The following LRPPRC variants were observed in gnomAD, a reference collection of about 807,000 sequenced individuals.
LRPPRC encodes leucine rich pentatricopeptide repeat containing.
In LRPPRC, 120 loss-of-function variants were observed where a neutral mutation model predicts 180.3. That is an observed-to-expected ratio of 0.67 (90% confidence interval 0.57 to 0.77). The LOEUF is 0.77. Ranked by LOEUF, LRPPRC falls within the 30% of genes least tolerant of loss-of-function variation. The pLI, the probability that LRPPRC is intolerant of heterozygous loss-of-function variation, is 0.00. For synonymous variants in LRPPRC, 723 were observed against 600.0 expected (o/e 1.21, Z -3.00); for missense variants, 2,012 against 1,657.2 (o/e 1.21, Z -3.72).
intron 32 of LRPPRC, among the ~76,000 whole-genome samples, chr2:43,900,651 C>T (rs1670849705): frequency 6.6e-6 from 1 of 151,990 alleles, no homozygotes; most frequent in Non-Finnish European, 1.5e-5. Context: ...AAAAAAACCC[C>T]TACAAAAACA....
intron 30 of LRPPRC, among the ~76,000 whole-genome samples, chr2:43,911,604 G>A (rs1379221626): frequency 7.5e-6 from 1 of 132,954 alleles, no homozygotes; most frequent in Non-Finnish European, 1.5e-5. Context: ...TCAGCTCAAC[G>A]CAACCTCCAC....
chr2:43,975,874 C>A (rs957147323), intron 6 of LRPPRC, among the ~76,000 whole-genome samples: 1 of 152,098 alleles, frequency 6.6e-6, no homozygotes, highest in Non-Finnish European at 1.5e-5. Context: ...TGAGCCACCA[C>A]GCCCGGCTTC....
At chr2:43,975,561 G>A (rs1006034124) in intron 6 of LRPPRC, among the ~76,000 whole-genome samples, 1 of 151,580 alleles carries the variant, frequency 6.6e-6, no homozygotes, top group East Asian at 1.9e-4. Context: ...AGTTACTTCA[G>A]ATCAGATCAA....
chr2:43,888,709 T>C (rs368933777), intron 37 of LRPPRC, 53 bp from the exon 38 acceptor site: 85 of 963,172 alleles, frequency 8.8e-5, no homozygotes, highest in Non-Finnish European at 1.3e-4. Flanking sequence ...GAGGTGATGG[T>C]ACATAACTTA....
At chr2:43,904,684 C>A (rs1370393767) in intron 31 of LRPPRC, 2 of 146,258 alleles carry the variant, frequency 1.4e-5, no homozygotes, top group African/African-American at 2.6e-5. Flanking sequence ...CAGAATGAGA[C>A]CCTATCTCAA....
At chr2:43,896,153 GT>G (rs1670672209) in intron 35 of LRPPRC, 1 of 149,882 alleles carries the variant, frequency 6.7e-6, no homozygotes, top group South Asian at 2.0e-4. Context: ...CTTCTGCATT[GT>G]TAAATGTCCC....
At chr2:43,992,095 T>C (rs1198718216) in intron 1 of LRPPRC, among the ~76,000 whole-genome samples, 1 of 152,060 alleles carries the variant, frequency 6.6e-6, no homozygotes, top group East Asian at 1.9e-4. Flanking sequence ...GTCATAGTGT[T>C]AATGGGTGCT....
intron 23 of LRPPRC, among the ~76,000 whole-genome samples, chr2:43,943,335 A>AC (rs1672553749): frequency 6.6e-6 from 1 of 152,036 alleles, no homozygotes; most frequent in African/African-American, 2.4e-5. Context: ...AACACTTATT[A>AC]CCTGAATAAC....
chr2:43,911,520 C>CTT lies in LRPPRC; in HGVS notation c.3275+910_3275+911dup, dbSNP rs755010502. Among the ~76,000 whole-genome samples the CTT allele has an allele frequency of 9.4e-3, 1,064 of 113,208 alleles. 49 individuals are homozygous for CTT. The highest frequency in any genetic ancestry group is 0.026 in the African/African-American group (714 of 27,844). 74.3% of individuals were successfully genotyped at this position (113,208 alleles called of 152,430 possible). A position where few individuals can be genotyped will look rare whatever the true frequency, so the allele number is the denominator to read the frequency against. On this transcript the variant is annotated intron_variant, in intron 30 of 37. Coordinates refer to ENST00000260665, the MANE Select transcript of LRPPRC (RefSeq NM_133259.4). The stretch of plus-strand genomic sequence containing the variant: ...TTCCTTTTCTTTTCTTCTTCTTCTT[C>CTT]TTCTTTTTTTTTTTTTTTTTTTTTG...
At chr2:43,983,489 G>A (rs1475399558) in intron 1 of LRPPRC, among the ~76,000 whole-genome samples, 1 of 152,114 alleles carries the variant, frequency 6.6e-6, no homozygotes, top group Non-Finnish European at 1.5e-5. Flanking sequence ...ATTCTTATGT[G>A]TGAAGGAAAC....
intron 11 of LRPPRC, among the ~76,000 whole-genome samples, chr2:43,969,292 G>C (rs1242944008): frequency 6.6e-6 from 1 of 151,836 alleles, no homozygotes; most frequent in African/African-American, 2.4e-5. Context: ...GGCGCCTGTA[G>C]TCCCAGCTAC....
Position 43,947,272 on chromosome 2 carries a change from C to A in LRPPRC, c.2064G>T (p.Val688=). Residue 688 remains valine, a synonymous_variant, in exon 20 of 38, where the codon GTG becomes GTT. Transcript: ENST00000260665. ...IRDVLKQLIL[V]LCSEENMQKA... ...CAAATGTTACCTCTTCTGAACAAAG[C>A]ACTAATATGAGTTGCTTTAGGACAT... 6.4e-7 allele frequency: 1 copy of A among 1,568,050 alleles called. No homozygotes were observed. Among genetic ancestry groups the A allele is most frequent in the Non-Finnish European group, 8.8e-7 (1 of 1,142,112 alleles).
At chr2:43,969,355 T>G (rs1338606501) in intron 11 of LRPPRC, among the ~76,000 whole-genome samples, 1 of 148,710 alleles carries the variant, frequency 6.7e-6, no homozygotes, top group Non-Finnish European at 1.5e-5. Flanking sequence ...GAGCTTGCAG[T>G]GAGCCGACAT....
intron 5 of LRPPRC, 33 bp downstream of exon 5, chr2:43,976,961 T>A (rs758233528): frequency 6.4e-7 from 1 of 1,565,496 alleles, no homozygotes; most frequent in Non-Finnish European, 8.8e-7. Context: ...TGTACAAATT[T>A]GTTCGCTTAA....
rs997022257 is a variant in LRPPRC at position 43,934,353 on chromosome 2, G to C, written c.2630-57C>G. On this transcript the variant is annotated intron_variant, in intron 24 of 37. Transcript: ENST00000260665. ...GGAGAAAAAAAAACCCAGAAAAACA[G>C]TATCATATGAAGTTCCAGACAAATA... 41 of 802,434 alleles carry C rather than the reference G, an allele frequency of 5.1e-5. 1 individual carries two copies. The highest frequency in any genetic ancestry group is 3.5e-4 in the Middle Eastern group (1 of 2,878). 49.7% of individuals were successfully genotyped at this position (802,434 alleles called of 1,614,324 possible). A position where few individuals can be genotyped will look rare whatever the true frequency, so the allele number is the denominator to read the frequency against.
chr2:43,965,599 G>T (rs1673520350), intron 11 of LRPPRC, among the ~76,000 whole-genome samples: 2 of 152,222 alleles, frequency 1.3e-5, no homozygotes, highest in South Asian at 4.1e-4. Flanking sequence ...GAAAATATTT[G>T]CAAACCACGT....
intron 2 of LRPPRC, among the ~76,000 whole-genome samples, chr2:43,980,571 G>GAAGA (rs371240035): frequency 3.4e-5 from 3 of 87,020 alleles, no homozygotes; most frequent in Admixed American, 1.1e-4. Context: ...AAAAAAAAAA[G>GAAGA]AAGAAAGAAA....
At chr2:43,939,420 T>A (rs1201472533) in intron 23 of LRPPRC, among the ~76,000 whole-genome samples, 1 of 152,164 alleles carries the variant, frequency 6.6e-6, no homozygotes, top group African/African-American at 2.4e-5. Flanking sequence ...GTAACAGGCT[T>A]CCTTACTGAA....
intron 27 of LRPPRC, among the ~76,000 whole-genome samples, chr2:43,924,678 G>C (rs1214130095): frequency 6.6e-6 from 1 of 151,756 alleles, no homozygotes; most frequent in Non-Finnish European, 1.5e-5. Context: ...GCATCTTTTT[G>C]CAAAAAGAAA....
Sources: gnomAD v4.1 joint callset for allele counts (sites outside exome capture counted in the v4.1 genomes callset) on GRCh38, gnomAD v4.1.1 for gene constraint, MANE v1.5 for transcripts, NCBI Gene and HGNC (gene_info 2026-07-23, HGNC 2026-07-21) for gene names.